Variants in ABL1 observed in about 807,000 individuals in gnomAD.
ABL1 encodes tyrosine-protein kinase ABL1.
ABL1 carries 11 observed loss-of-function variants against 94.7 expected under a neutral mutation model. The observed-to-expected ratio is 0.12, with a 90% CI of 0.07 to 0.19. The LOEUF is 0.19. ABL1 is among the 10% of genes least tolerant of loss of function. The pLI, the probability that ABL1 is intolerant of heterozygous loss-of-function variation, is 1.00. For synonymous variants in ABL1, 656 were observed against 622.4 expected (o/e 1.05, Z -0.80); for missense variants, 1,082 against 1,489.4 (o/e 0.73, Z 4.50).
intron 1 of ABL1, among the ~76,000 whole-genome samples, chr9:130,718,531 C>G (rs944718531): frequency 1.1e-4 from 17 of 152,100 alleles, no homozygotes; most frequent in African/African-American, 4.1e-4. Flanking sequence ...CCTACACAAA[C>G]TAAGCCTCTT....
In ABL1 at chr9:130,863,683, C is replaced by T. The variant is rs1023414749; in HGVS notation, c.822+648C>T. 1.3e-5 allele frequency among the ~76,000 whole-genome samples: 2 copies of T among 152,218 alleles called. No homozygotes were observed. Among genetic ancestry groups the T allele is most frequent in the South Asian group, 2.1e-4 (1 of 4,822 alleles). Reference sequence around the variant, plus strand: ...TAGTTTCCAGGCAGGTTTTTTTCTTCTTTTGAAGTTCTTTGAAACCCTTAG... The same window carrying T: ...TAGTTTCCAGGCAGGTTTTTTTCTTTTTTTGAAGTTCTTTGAAACCCTTAG... On this transcript the variant is annotated intron_variant, in intron 4 of 10. Transcript: ENST00000318560. This position sits in a 1 kb window ranked among gnomAD's most constrained non-coding sequence, Gnocchi z 4.3.
At chr9:130,716,072 CTTTT>C (rs71389339) in intron 1 of ABL1, among the ~76,000 whole-genome samples, 702 of 90,706 alleles carry the variant, frequency 7.7e-3, no homozygotes, top group African/African-American at 9.9e-3. Context: ...GAAAAATGTC[CTTTT>C]TTTTTTTTTT....
chr9:130,761,193 T>C (rs1043476341), intron 1 of ABL1, among the ~76,000 whole-genome samples: 6 of 152,182 alleles, frequency 3.9e-5, no homozygotes, highest in Admixed American at 6.5e-5. Flanking sequence ...GGTCTCGATC[T>C]CCTGACCTCG....
chr9:130,851,587 T>C (rs1200558218), intron 1 of ABL1, among the ~76,000 whole-genome samples: 1 of 152,004 alleles, frequency 6.6e-6, no homozygotes, highest in African/African-American at 2.4e-5. Flanking sequence ...ATTTTTTTTT[T>C]AAAGATAATT....
chr9:130,726,086 G>A (rs568018928), intron 1 of ABL1, among the ~76,000 whole-genome samples: 1 of 151,908 alleles, frequency 6.6e-6, no homozygotes, highest in Non-Finnish European at 1.5e-5. Flanking sequence ...CCTGGGCTCA[G>A]GTGATACTCC....
At chr9:130,811,371 A>G (rs1830205600) in intron 1 of ABL1, among the ~76,000 whole-genome samples, 1 of 152,206 alleles carries the variant, frequency 6.6e-6, no homozygotes, top group African/African-American at 2.4e-5. Flanking sequence ...GGATAAATAC[A>G]TAAGATATTT....
chr9:130,837,834 A>C (rs901371648), intron 1 of ABL1, among the ~76,000 whole-genome samples: 1 of 152,248 alleles, frequency 6.6e-6, no homozygotes, highest in African/African-American at 2.4e-5. Context: ...TAAATCAGTC[A>C]ATCAGTGTCG....
chr9:130,764,343 T>C (rs1832154470), intron 1 of ABL1, among the ~76,000 whole-genome samples: 1 of 152,218 alleles, frequency 6.6e-6, no homozygotes. Flanking sequence ...TTTCAAGTTT[T>C]ATTTCATTAT....
Position 130,851,877 on chromosome 9 carries a change from G to A in ABL1, c.80-2187G>A, listed in dbSNP as rs111611958. On this transcript the variant is annotated intron_variant, in intron 1 of 10. Coordinates refer to ENST00000318560, the MANE Select transcript of ABL1 (RefSeq NM_005157.6). Reference sequence around the variant, plus strand: ...ACCTCCCGGGTTCAGGCAATTCTCCGGCCTCAGTCTCCTGAGTAGCTGGGA... The same window carrying A: ...ACCTCCCGGGTTCAGGCAATTCTCCAGCCTCAGTCTCCTGAGTAGCTGGGA... 1.5e-4 allele frequency among the ~76,000 whole-genome samples: 22 copies of A among 148,306 alleles called. No homozygotes were observed. The East Asian group carries it at 1.8e-3, about 12-fold the overall frequency.
At chr9:130,730,588 T>C (rs1831651715) in intron 1 of ABL1, among the ~76,000 whole-genome samples, 1 of 152,156 alleles carries the variant, frequency 6.6e-6, no homozygotes, top group Non-Finnish European at 1.5e-5. Flanking sequence ...TTTTCTTTGT[T>C]TGAGGCAGAG....
intron 1 of ABL1, among the ~76,000 whole-genome samples, chr9:130,715,679 A>G (rs977069574): frequency 1.3e-5 from 2 of 152,232 alleles, no homozygotes; most frequent in Admixed American, 6.5e-5. Context: ...TGCACCTTAC[A>G]TAGTGAAAAT....
intron 1 of ABL1, among the ~76,000 whole-genome samples, chr9:130,815,497 A>C (rs1830272764): frequency 6.6e-6 from 1 of 152,030 alleles, no homozygotes; most frequent in Non-Finnish European, 1.5e-5. Context: ...ACCCCGTACC[A>C]GTCTTTCAGG....
chr9:130,795,221 A>C (rs1202240295), intron 1 of ABL1, among the ~76,000 whole-genome samples: 2 of 152,186 alleles, frequency 1.3e-5, no homozygotes, highest in Non-Finnish European at 2.9e-5. Flanking sequence ...TTCCTTCAAA[A>C]AACAGGAAGG....
chr9:130,747,463 G>T (rs1831902559), intron 1 of ABL1, among the ~76,000 whole-genome samples: 1 of 152,066 alleles, frequency 6.6e-6, no homozygotes, highest in Non-Finnish European at 1.5e-5. Flanking sequence ...GCCCAGGCTG[G>T]AGTGCAGTGG....
At chr9:130,713,309 G>T (rs1831394815) in exon 1 of ABL1, among the ~76,000 whole-genome samples, 1 of 152,196 alleles carries the variant, frequency 6.6e-6, no homozygotes, top group Admixed American at 6.5e-5. Flanking sequence ...CTCTACACGG[G>T]GCCCGCCTTC....
At chr9:130,821,409 T>A (rs1245795017) in intron 1 of ABL1, among the ~76,000 whole-genome samples, 1 of 151,946 alleles carries the variant, frequency 6.6e-6, no homozygotes, top group Admixed American at 6.6e-5. Flanking sequence ...TTTGTGACTG[T>A]TTTTTTTCCC....
intron 1 of ABL1, among the ~76,000 whole-genome samples, chr9:130,741,071 G>T (rs1214798998): frequency 6.6e-6 from 1 of 152,088 alleles, no homozygotes; most frequent in East Asian, 1.9e-4. Flanking sequence ...ATGGCCACAG[G>T]TACATAGACT....
At chr9:130,783,917 A>C (rs1291462028) in intron 1 of ABL1, among the ~76,000 whole-genome samples, 1 of 152,096 alleles carries the variant, frequency 6.6e-6, no homozygotes, top group Admixed American at 6.6e-5. Flanking sequence ...CGGCCTCCCA[A>C]AGTGCTGGGA....
chr9:130,885,201 C>A lies in ABL1; in HGVS notation c.2911C>A (p.Pro971Thr). 6.2e-7 allele frequency: 1 copy of A among 1,613,554 alleles called. No individual in the cohort carries two copies. Among genetic ancestry groups the A allele is most frequent in the Non-Finnish European group, 8.5e-7 (1 of 1,179,990 alleles). ...PATPKPQSAK[P>T]SGTPISPAPV... ...CACTCCAAAGCCACAGTCCGCCAAG[C>A]CGTCGGGGACCCCCATCAGCCCAGC... Residue 971 changes from proline (P) to threonine (T), a missense_variant, in exon 11 of 11, where the codon CCG (proline) becomes ACG (threonine). Coordinates refer to ENST00000318560, the MANE Select transcript of ABL1 (RefSeq NM_005157.6).
Sources: gnomAD v4.1 joint callset for allele counts (sites outside exome capture counted in the v4.1 genomes callset) on GRCh38, gnomAD v4.1.1 for gene constraint, Gnocchi (gnomAD v3.1) non-coding constraint, MANE v1.5 for transcripts, NCBI Gene and HGNC (gene_info 2026-07-23, HGNC 2026-07-21) for gene names.